Variants in SLC38A1 observed in about 807,000 individuals in gnomAD.
SLC38A1 encodes solute carrier family 38 member 1, also known as sodium-coupled neutral amino acid symporter 1.
SLC38A1 carries 18 observed loss-of-function variants against 60.3 expected under a neutral mutation model. The ratio of observed to expected loss-of-function variants is 0.30; its 90% CI spans 0.21 to 0.44. The LOEUF is 0.44. Ranked by LOEUF, SLC38A1 falls within the 20% of genes least tolerant of loss-of-function variation. SLC38A1 has a pLI of 1.00. For synonymous variants in SLC38A1, 196 were observed against 212.1 expected, an observed-to-expected ratio of 0.92 and a Z score of 0.66; for missense variants, 448 against 587.2, an observed-to-expected ratio of 0.76 and a Z score of 2.45.
At chr12:46,224,573 C>CT (rs1940793388) in intron 5 of SLC38A1, among the ~76,000 whole-genome samples, 1 of 152,194 alleles carries the variant, frequency 6.6e-6, no homozygotes, top group Non-Finnish European at 1.5e-5. Flanking sequence ...CCTGGACAGT[C>CT]TTGGACTCCT....
At chr12:46,222,152 T>C (rs116334401) in intron 5 of SLC38A1, among the ~76,000 whole-genome samples, 3,953 of 152,260 alleles carry the variant, frequency 0.026, 80 homozygotes, top group Admixed American at 0.035. Context: ...AAATATATTT[T>C]CTCTCTCAAG....
intron 12 of SLC38A1, among the ~76,000 whole-genome samples, chr12:46,201,432 A>G (rs1314513755): frequency 6.6e-6 from 1 of 152,320 alleles, no homozygotes; most frequent in African/African-American, 2.4e-5. Flanking sequence ...CCATTCTTTT[A>G]AAAGAATATC....
At chr12:46,262,994 T>G (rs1357598353) in intron 1 of SLC38A1, among the ~76,000 whole-genome samples, 1 of 152,172 alleles carries the variant, frequency 6.6e-6, no homozygotes, top group Non-Finnish European at 1.5e-5. Flanking sequence ...ATGAATCACT[T>G]CCAAAGATAA....
intron 5 of SLC38A1, among the ~76,000 whole-genome samples, chr12:46,225,057 AT>A (rs558364617): frequency 6.6e-6 from 1 of 152,086 alleles, no homozygotes. Context: ...CAGTAAAAAG[AT>A]TTTTTTTAAG....
At chr12:46,216,089 C>T (rs1940399917) in intron 5 of SLC38A1, among the ~76,000 whole-genome samples, 1 of 152,124 alleles carries the variant, frequency 6.6e-6, no homozygotes, top group South Asian at 2.1e-4. Context: ...TCTCCCTCAC[C>T]CTCTTCTACC....
At position 46,197,090 on chromosome 12, in the gene SLC38A1, T is replaced by C. The variant is rs1939411061; in HGVS notation, c.1362+630A>G. On this transcript the variant is annotated intron_variant, in intron 16 of 16. Coordinates refer to ENST00000398637, the MANE Select transcript of SLC38A1 (RefSeq NM_030674.4). ...TCTGTGAGTCCCTCGTCACTTCCTC[T>C]CTTGCTGAAGACTAGACACTGTCCT... 3.3e-5 allele frequency among the ~76,000 whole-genome samples: 5 copies of C among 152,298 alleles called. No homozygotes were observed. In the South Asian group the frequency reaches 1.0e-3, roughly 32 times the overall value.
rs923510883 is a variant in SLC38A1, at chr12:46,186,048, T to C, written c.*2922A>G. On this transcript the variant is annotated 3_prime_UTR_variant, in exon 17 of 17. Transcript: ENST00000398637. ...ACATTATTCGATGTCAGCTAACCTATTGGTTTGATCATCTTTTCCAGCTGC... is the reference window on the plus strand; with the variant it reads ...ACATTATTCGATGTCAGCTAACCTACTGGTTTGATCATCTTTTCCAGCTGC... 5.3e-5 allele frequency: 8 copies of C among 152,308 alleles called. No homozygotes were observed. Among genetic ancestry groups the C allele is most frequent in the African/African-American group, 1.7e-4 (7 of 41,568 alleles). The allele number at this position is 152,308 out of a possible 1,614,324, so 9.4% of individuals were successfully genotyped here.
chr12:46,260,048 C>T (rs1253998250), intron 1 of SLC38A1, among the ~76,000 whole-genome samples: 1 of 152,158 alleles, frequency 6.6e-6, no homozygotes, highest in Non-Finnish European at 1.5e-5. Flanking sequence ...TAAAGCAATA[C>T]CCATCTGATA....
intron 2 of SLC38A1, among the ~76,000 whole-genome samples, chr12:46,241,762 T>C (rs943420993): frequency 6.6e-6 from 1 of 152,194 alleles, no homozygotes; most frequent in African/African-American, 2.4e-5. Flanking sequence ...ATGAAAGCTG[T>C]CCAAATGGGC....
rs146370094 is a variant in SLC38A1, at chr12:46,196,206, G to A, written c.1362+1514C>T. On this transcript the variant is annotated intron_variant, in intron 16 of 16. Transcript: ENST00000398637. ...GCGCTTGAGCATGTTCAGTGAGAGC[G>A]CTGCAGGGAGAAGGATGATGCATTC... is the stretch of plus-strand genomic sequence containing the variant. 192 of 1,536,054 alleles carry A rather than the reference G, an allele frequency of 1.2e-4. 1 individual carries two copies. The highest frequency in any genetic ancestry group is 2.3e-4 in the South Asian group (19 of 84,064).
At chr12:46,259,927 TG>T (rs1030862754) in intron 1 of SLC38A1, among the ~76,000 whole-genome samples, 4 of 152,172 alleles carry the variant, frequency 2.6e-5, no homozygotes, top group African/African-American at 9.7e-5. Flanking sequence ...ACCACTCCCC[TG>T]AAATCATGCC....
chr12:46,196,348 C>T (rs910137853), intron 16 of SLC38A1: 1 of 1,520,320 alleles, frequency 6.6e-7, no homozygotes, highest in African/African-American at 1.4e-5. Context: ...TCCAGTCTAA[C>T]TCCCAGTGGT....
At chr12:46,212,572 A>G (rs2137373260) in intron 5 of SLC38A1, among the ~76,000 whole-genome samples, 2 of 152,312 alleles carry the variant, frequency 1.3e-5, no homozygotes, top group Middle Eastern at 6.8e-3. Context: ...TAGAATTGCG[A>G]ATAATGTGGT....
At chr12:46,207,069 A>C (rs959368145) in intron 8 of SLC38A1, 86 bp downstream of exon 8, 18 of 890,280 alleles carry the variant, frequency 2.0e-5, no homozygotes, top group Non-Finnish European at 2.7e-5. Flanking sequence ...AACTTTCTGC[A>C]ATATTCACAA....
In SLC38A1 at chr12:46,188,757, T is replaced by A. The variant is rs1045278; in HGVS notation, c.*213A>T. On this transcript the variant is annotated 3_prime_UTR_variant, in exon 17 of 17. Transcript: ENST00000398637. ...GATTGTATGAAATTTGAAAAAAAAA[T>A]TTCACAATCCCTAAATTGATCTCAA... is the stretch of plus-strand genomic sequence containing the variant. The A allele has an allele frequency of 0.48, 198,933 of 415,556 alleles. 50,632 individuals are homozygous for A. Among genetic ancestry groups the A allele is most frequent in the African/African-American group, 0.76 (37,663 of 49,642 alleles). 25.7% of individuals were successfully genotyped at this position (415,556 alleles called of 1,614,324 possible).
rs1938930563 is a variant in SLC38A1 at position 46,186,172 on chromosome 12, T to C, written c.*2798A>G. On this transcript the variant is annotated 3_prime_UTR_variant, in exon 17 of 17. Coordinates refer to ENST00000398637, the MANE Select transcript of SLC38A1 (RefSeq NM_030674.4). ...ACAACCTTTTGGAATATGATCTCCT[T>C]ATACACTGGGGCTGCCTGTGCCTAA... 6.6e-6 allele frequency: 1 copy of C among 152,184 alleles called. No individual in the cohort carries two copies. Among genetic ancestry groups the C allele is most frequent in the African/African-American group, 2.4e-5 (1 of 41,436 alleles). The allele number at this position is 152,184 out of a possible 1,614,324, so 9.4% of individuals were successfully genotyped here.
At chr12:46,220,704 T>C (rs754106091) in intron 5 of SLC38A1, among the ~76,000 whole-genome samples, 2 of 152,188 alleles carry the variant, frequency 1.3e-5, no homozygotes, top group African/African-American at 4.8e-5. Flanking sequence ...TTTTGGCATA[T>C]ATGTAAAGTA....
intron 3 of SLC38A1, among the ~76,000 whole-genome samples, chr12:46,234,830 C>T (rs558639299): frequency 6.6e-6 from 1 of 152,302 alleles, no homozygotes; most frequent in East Asian, 1.9e-4. Context: ...TGCTGTCTCA[C>T]CATTTAAAAG....
At chr12:46,252,199 G>A (rs1392930334) in intron 1 of SLC38A1, among the ~76,000 whole-genome samples, 2 of 152,164 alleles carry the variant, frequency 1.3e-5, no homozygotes, top group Admixed American at 1.3e-4. Context: ...GGACATGAAT[G>A]AAGCTGGAAA....
Sources: gnomAD v4.1 joint callset for allele counts (sites outside exome capture counted in the v4.1 genomes callset) on GRCh38, gnomAD v4.1.1 for gene constraint, MANE v1.5 for transcripts, NCBI Gene and HGNC (gene_info 2026-07-23, HGNC 2026-07-21) for gene names.